LYN: variants seen among roughly 807,000 people sequenced by gnomAD.
LYN encodes LYN proto-oncogene, Src family tyrosine kinase, also known as tyrosine-protein kinase Lyn.
Under a neutral mutation model 65.0 loss-of-function variants are expected in LYN, and 12 were observed. That is an observed-to-expected ratio of 0.18 (90% CI 0.12 to 0.30). The LOEUF (loss-of-function observed/expected upper bound fraction) is 0.30, where lower values mean the gene tolerates loss of function less well. Among genes scored for constraint, LYN ranks in the 10% least tolerant of loss-of-function variants. The pLI is 1.00. For missense variants in LYN, 380 were observed against 623.2 expected (o/e 0.61, Z 4.16); for synonymous variants, 222 against 221.2 (o/e 1.00, Z -0.03).
rs1443497753 is a variant in LYN, at chr8:55,950,718, A to C, written c.421A>C (p.Arg141=). 1.2e-6 allele frequency: 2 copies of C among 1,614,178 alleles called. No individual in the cohort carries two copies. The highest frequency in any genetic ancestry group is 1.6e-4 in the Middle Eastern group (1 of 6,062). Residue 141 remains arginine (R), a synonymous_variant, in exon 6 of 13, where the codon AGG becomes CGG. Coordinates refer to ENST00000519728, the MANE Select transcript of LYN (RefSeq NM_002350.4). The stretch of plus-strand genomic sequence containing the variant: ...GGATATAACCAGGAAGGACGCAGAA[A>C]GGCAGCTTTTGGCACCAGGAAATAG... ...FKDITRKDAE[R]QLLAPGNSAG... is the part of the protein sequence containing the mutation.
chr8:55,938,739 G>A (rs1336697478), intron 1 of LYN, among the ~76,000 whole-genome samples: 1 of 152,160 alleles, frequency 6.6e-6, no homozygotes, highest in Non-Finnish European at 1.5e-5. Context: ...GTTTGGCATT[G>A]TTAATAAATA....
chr8:55,932,422 T>C (rs1365694796), intron 1 of LYN, among the ~76,000 whole-genome samples: 2 of 151,672 alleles, frequency 1.3e-5, no homozygotes, highest in Non-Finnish European at 2.9e-5. Context: ...TTTTTGTTTG[T>C]TTGTTTTTGT....
intron 10 of LYN, among the ~76,000 whole-genome samples, chr8:55,970,520 A>G (rs776064555): frequency 7.2e-5 from 11 of 152,164 alleles, no homozygotes; most frequent in Non-Finnish European, 5.9e-5. Flanking sequence ...CAGTATTGGC[A>G]ATCGGTGGTT....
chr8:55,969,129 T>C (rs1807539543), intron 9 of LYN, among the ~76,000 whole-genome samples: 1 of 152,086 alleles, frequency 6.6e-6, no homozygotes. Flanking sequence ...AAAAAAAGAA[T>C]TAGCTGGGTG....
At chr8:56,008,124 A>AAAAAATAAAATAAAAT (rs1221275260) in intron 12 of LYN, among the ~76,000 whole-genome samples, 1 of 86,638 alleles carries the variant, frequency 1.2e-5, no homozygotes, top group African/African-American at 4.1e-5. Flanking sequence ...GCCTCAAAAA[A>AAAAAATAAAATAAAAT]AAAATAAAAT....
intron 8 of LYN, among the ~76,000 whole-genome samples, chr8:55,960,067 A>G (rs756307712): frequency 6.6e-6 from 1 of 152,344 alleles, no homozygotes; most frequent in South Asian, 2.1e-4. Context: ...TTTTGGAGTC[A>G]TGACAACATT....
At chr8:55,922,282 G>A (rs1389447298) in intron 1 of LYN, among the ~76,000 whole-genome samples, 4 of 151,908 alleles carry the variant, frequency 2.6e-5, no homozygotes, top group Non-Finnish European at 5.9e-5. Flanking sequence ...TAGAGAGGGG[G>A]TCTCACTGTG....
intron 1 of LYN, among the ~76,000 whole-genome samples, chr8:55,880,700 C>T (rs1804628875): frequency 6.6e-6 from 1 of 152,366 alleles, no homozygotes; most frequent in South Asian, 2.1e-4. Context: ...GGAACTCACC[C>T]TCCCGCTGCG....
At chr8:55,965,845 C>A (rs1807440375) in intron 8 of LYN, among the ~76,000 whole-genome samples, 1 of 152,108 alleles carries the variant, frequency 6.6e-6, no homozygotes, top group Admixed American at 6.6e-5. Context: ...TAGTCCTCGG[C>A]TGGGCACAGT....
At chr8:55,909,080 CATTT>C (rs892025370) in intron 1 of LYN, among the ~76,000 whole-genome samples, 2 of 138,644 alleles carry the variant, frequency 1.4e-5, no homozygotes, top group African/African-American at 5.4e-5. Flanking sequence ...TTTATTTCTT[CATTT>C]ATTTTTATTT....
At chr8:55,890,075 A>G (rs1360254114) in intron 1 of LYN, among the ~76,000 whole-genome samples, 1 of 145,092 alleles carries the variant, frequency 6.9e-6, no homozygotes, top group Non-Finnish European at 1.5e-5. Context: ...CCAGGAGTTC[A>G]AGGCCAGCCT....
At chr8:55,922,504 G>T (rs925123506) in intron 1 of LYN, among the ~76,000 whole-genome samples, 3 of 152,112 alleles carry the variant, frequency 2.0e-5, no homozygotes, top group Non-Finnish European at 4.4e-5. Flanking sequence ...GCTGGGTGTG[G>T]TGACTCATGC....
intron 10 of LYN, among the ~76,000 whole-genome samples, chr8:55,974,377 A>G (rs558663074): frequency 2.0e-5 from 3 of 152,310 alleles, no homozygotes; most frequent in Admixed American, 1.3e-4. Flanking sequence ...GGTATATTTT[A>G]CCCCCAGTAT....
In LYN at chr8:55,914,922, T is replaced by G. The variant is rs190053629; in HGVS notation, c.-5-26933T>G. 1.6e-4 allele frequency among the ~76,000 whole-genome samples: 24 copies of G among 152,346 alleles called. No homozygotes were observed. The East Asian group carries it at 4.6e-3, about 29-fold the overall frequency. Reference sequence around the variant, plus strand: ...ATTCAGGGACAACTCAACTTGAAATTGTCTCTTAGCCATCTGTTTGTGTGC... The same window carrying G: ...ATTCAGGGACAACTCAACTTGAAATGGTCTCTTAGCCATCTGTTTGTGTGC... On this transcript the variant is annotated intron_variant, in intron 1 of 12. Coordinates refer to ENST00000519728, the MANE Select transcript of LYN (RefSeq NM_002350.4).
chr8:55,918,843 C>T (rs998664229), intron 1 of LYN, among the ~76,000 whole-genome samples: 2 of 151,952 alleles, frequency 1.3e-5, no homozygotes, highest in Admixed American at 1.3e-4. Flanking sequence ...ATGGGCTGTG[C>T]AAAAGTGGTG....
intron 1 of LYN, among the ~76,000 whole-genome samples, chr8:55,890,784 G>A (rs1804936978): frequency 6.6e-6 from 1 of 151,048 alleles, no homozygotes; most frequent in African/African-American, 2.4e-5. Flanking sequence ...CTAGAGTGTG[G>A]TGGCACCATT....
At chr8:56,005,091 T>A (rs901182029) in intron 12 of LYN, among the ~76,000 whole-genome samples, 1 of 152,146 alleles carries the variant, frequency 6.6e-6, no homozygotes, top group Non-Finnish European at 1.5e-5. Flanking sequence ...GCCAGCCACA[T>A]GGTGTTAAAT....
At chr8:55,983,244 C>A (rs969053346) in intron 10 of LYN, among the ~76,000 whole-genome samples, 1 of 152,128 alleles carries the variant, frequency 6.6e-6, no homozygotes, top group Non-Finnish European at 1.5e-5. Context: ...AAACCTTCCC[C>A]TACTTGCCTC....
At chr8:55,990,239 CA>C (rs34461698) in intron 10 of LYN, among the ~76,000 whole-genome samples, 5,795 of 45,466 alleles carry the variant, frequency 0.13, 67 homozygotes, top group South Asian at 0.24. Context: ...ACTCTGCCTC[CA>C]AAAAAAAAAA....
Sources: allele counts gnomAD v4.1 joint callset (sites outside exome capture counted in the v4.1 genomes callset), GRCh38; gene constraint gnomAD v4.1.1; transcripts MANE v1.5; gene names NCBI Gene and HGNC (gene_info 2026-07-23, HGNC 2026-07-21).